TENM1: variants seen among roughly 807,000 people sequenced by gnomAD.
TENM1 encodes teneurin-1.
A neutral mutation model predicts 174.8 loss-of-function variants in TENM1; 35 were observed. The ratio of observed to expected loss-of-function variants is 0.20; its 90% confidence interval spans 0.15 to 0.27. TENM1 has a LOEUF of 0.27. Among genes scored for constraint, TENM1 ranks in the 10% least tolerant of loss-of-function variants. The pLI is 1.00. For missense variants in TENM1, 1,633 were observed against 2,130.1 expected, an observed-to-expected ratio of 0.77 and a Z score of 4.59; for synonymous variants, 781 against 798.7, an observed-to-expected ratio of 0.98 and a Z score of 0.37.
At chrX:124,970,559 C>T in the TENM1 span, among the ~76,000 whole-genome samples, 1 of 112,357 alleles carries the variant, frequency 8.9e-6, no homozygotes, top group African/African-American at 3.2e-5. Context: ...TCTTAACTTT[C>T]TTTGTTTTTC....
At chrX:124,863,505 C>T (rs187759077) in intron 3 of TENM1, among the ~76,000 whole-genome samples, 308 of 111,731 alleles carry the variant, frequency 2.8e-3, no homozygotes, top group African/African-American at 9.2e-3. Context: ...CCTGGGGTGG[C>T]GGTAACTACC....
the TENM1 span, among the ~76,000 whole-genome samples, chrX:125,006,214 AGGTG>A: frequency 8.9e-6 from 1 of 111,805 alleles, no homozygotes; most frequent in African/African-American, 3.3e-5. Context: ...TAGCTTTAGT[AGGTG>A]GTTTTCCCCT....
At chrX:124,527,946 G>A (rs1213651235) in intron 16 of TENM1, among the ~76,000 whole-genome samples, 3 of 106,503 alleles carry the variant, frequency 2.8e-5, no homozygotes, top group Non-Finnish European at 5.8e-5. Context: ...TTGAGCCACC[G>A]TGCCCGGCCG....
the TENM1 span, among the ~76,000 whole-genome samples, chrX:125,083,939 G>A: frequency 1.1e-4 from 12 of 110,549 alleles, no homozygotes; most frequent in Non-Finnish European, 1.7e-4. Flanking sequence ...TAGGAGGGTG[G>A]AAGTGAAAGT....
intron 11 of TENM1, among the ~76,000 whole-genome samples, chrX:124,574,425 C>T (rs1473520461): frequency 9.0e-6 from 1 of 111,297 alleles, no homozygotes; most frequent in Non-Finnish European, 1.9e-5. Flanking sequence ...CTAAAGTATA[C>T]ATTTATGTAA....
the TENM1 span, among the ~76,000 whole-genome samples, chrX:124,969,624 C>A: frequency 8.9e-6 from 1 of 111,951 alleles, no homozygotes; most frequent in African/African-American, 3.2e-5. Flanking sequence ...GTTTTAAATG[C>A]CCATTTTGCA....
chrX:124,609,939 C>T (rs1426853582), intron 11 of TENM1, among the ~76,000 whole-genome samples: 5 of 111,769 alleles, frequency 4.5e-5, no homozygotes, highest in Admixed American at 9.5e-5. Context: ...CAGCCAAGGG[C>T]AGTCTGGGCA....
At chrX:124,673,511 T>C (rs1418025841) in intron 5 of TENM1, among the ~76,000 whole-genome samples, 2 of 111,324 alleles carry the variant, frequency 1.8e-5, no homozygotes, top group African/African-American at 3.3e-5. Context: ...CCAGTAGTAG[T>C]ATGGAGAAGA....
chrX:124,440,959 G>A (rs1465149445), intron 23 of TENM1, among the ~76,000 whole-genome samples: 1 of 111,977 alleles, frequency 8.9e-6, no homozygotes, highest in African/African-American at 3.2e-5. Flanking sequence ...TAAAAGCCAA[G>A]GTTACATGTA....
intron 11 of TENM1, among the ~76,000 whole-genome samples, chrX:124,635,167 A>G (rs2050849892): frequency 9.0e-6 from 1 of 111,671 alleles, no homozygotes; most frequent in Non-Finnish European, 1.9e-5. Flanking sequence ...TCAGTGTTGG[A>G]AAAGACCTCA....
chrX:124,678,661 A>C (rs2052153726), intron 5 of TENM1, among the ~76,000 whole-genome samples: 1 of 111,475 alleles, frequency 9.0e-6, no homozygotes, highest in South Asian at 3.7e-4. Flanking sequence ...CAGTTCCCAG[A>C]TACATAAAAC....
At chrX:124,847,263 T>C (rs959653336) in intron 3 of TENM1, among the ~76,000 whole-genome samples, 3 of 111,836 alleles carry the variant, frequency 2.7e-5, no homozygotes, top group Non-Finnish European at 3.8e-5. Flanking sequence ...GGCTTCACTA[T>C]AACATATTTT....
intron 22 of TENM1, among the ~76,000 whole-genome samples, chrX:124,457,304 T>G (rs113927899): frequency 1.8e-5 from 2 of 112,016 alleles, no homozygotes; most frequent in African/African-American, 6.5e-5. Flanking sequence ...GAAGTGTGAA[T>G]GGTGCTGTCT....
intron 18 of TENM1, among the ~76,000 whole-genome samples, chrX:124,506,468 T>C (rs777385058): frequency 9.8e-5 from 11 of 111,792 alleles, no homozygotes; most frequent in African/African-American, 3.2e-4. Context: ...TATATTACTT[T>C]TTTTCCCCAG....
chrX:124,600,016 G>GTA (rs200188371), intron 11 of TENM1, among the ~76,000 whole-genome samples: 1,173 of 109,321 alleles, frequency 0.011, 14 homozygotes, highest in African/African-American at 0.037. Context: ...AAATTAGTAT[G>GTA]TATATATATA....
the TENM1 span, among the ~76,000 whole-genome samples, chrX:125,023,573 T>G: frequency 9.1e-6 from 1 of 109,621 alleles, no homozygotes; most frequent in Non-Finnish European, 1.9e-5. Context: ...TGCAGAGAAT[T>G]TTACTGAGCT....
chrX:124,419,471 C>T (rs1282714742), intron 25 of TENM1, among the ~76,000 whole-genome samples: 1 of 111,723 alleles, frequency 9.0e-6, no homozygotes, highest in African/African-American at 3.3e-5. Context: ...GGGGAAAATG[C>T]TTCCCGAGTG....
intron 3 of TENM1, among the ~76,000 whole-genome samples, chrX:124,811,047 A>C (rs761775891): frequency 2.9e-4 from 32 of 111,505 alleles, no homozygotes; most frequent in Non-Finnish European, 5.5e-4. Context: ...AAATAAATTC[A>C]AAGTGGATAA....
intron 15 of TENM1, among the ~76,000 whole-genome samples, chrX:124,531,072 G>GGGTTGAGGAA (rs1228827589): frequency 9.2e-6 from 1 of 108,886 alleles, no homozygotes; most frequent in Non-Finnish European, 1.9e-5. Flanking sequence ...GGAGCTGGCA[G>GGGTTGAGGAA]GGTTGAGGAA....
Sources: allele counts gnomAD v4.1 joint callset (sites outside exome capture counted in the v4.1 genomes callset), GRCh38; gene constraint gnomAD v4.1.1; transcripts MANE v1.5; gene names NCBI Gene and HGNC (gene_info 2026-07-23, HGNC 2026-07-21).